The following PCTP variants were observed in gnomAD, a reference collection of about 807,000 sequenced individuals.
PCTP encodes the protein phosphatidylcholine transfer protein.
PCTP carries 27 observed loss-of-function variants against 31.0 expected under a neutral mutation model. The observed-to-expected ratio is 0.87, with a 90% CI of 0.64 to 1.20. PCTP has a LOEUF of 1.20. Ranked by LOEUF, PCTP falls within the 50% of genes most tolerant of loss-of-function variation. The probability of loss-of-function intolerance (pLI) is 0.00; values close to 1 mark genes in which losing one functional copy is unlikely to be tolerated. For synonymous variants in PCTP, 108 were observed against 101.2 expected, an observed-to-expected ratio of 1.07 and a Z score of -0.40; for missense variants, 287 against 268.2, an observed-to-expected ratio of 1.07 and a Z score of -0.49.
rs147843652 is a variant in PCTP, at chr17:55,831,704, T to C, written n.505+8777T>C. ...AAGTTTACTACCTAAACCCTGTATT[T>C]CCCAAATTCCTTTGCACTAGAGTCC... On this transcript the variant is annotated intron_variant and non_coding_transcript_variant, in intron 5 of 5. Transcript: ENST00000576221. Among the ~76,000 whole-genome samples the C allele has an allele frequency of 2.9e-3, 436 of 152,264 alleles. 2 individuals carry two copies. Among genetic ancestry groups the C allele is most frequent in the African/African-American group, 0.01 (422 of 41,560 alleles).
At chr17:55,779,801 T>C (rs1277489374), downstream of PCTP, among the ~76,000 whole-genome samples, 1 of 152,140 alleles carries the variant, frequency 6.6e-6, no homozygotes, top group Non-Finnish European at 1.5e-5. Context: ...GCATGCAGAG[T>C]AGCCCATACT....
downstream of PCTP, among the ~76,000 whole-genome samples, chr17:55,781,357 C>T (rs1911558735): frequency 6.6e-6 from 1 of 152,204 alleles, no homozygotes. Flanking sequence ...AAATTGAAGG[C>T]TTACTATAAA....
In PCTP at chr17:55,832,696, T is replaced by C. The variant is rs368181920; in HGVS notation, n.505+9769T>C. On this transcript the variant is annotated intron_variant and non_coding_transcript_variant, in intron 5 of 5. Coordinates refer to the PCTP transcript ENST00000576221. ...ATGGCTGACACATGTGTCTATCAAATTGTGTCTTGTCTGAGCCTTCTGGGC... is the reference window on the plus strand; with the variant it reads ...ATGGCTGACACATGTGTCTATCAAACTGTGTCTTGTCTGAGCCTTCTGGGC... Among the ~76,000 whole-genome samples the C allele has an allele frequency of 1.3e-4, 20 of 152,332 alleles. 1 individual carries two copies. The highest frequency in any genetic ancestry group is 9.1e-4 in the Admixed American group (14 of 15,304).
chr17:55,791,614 T>G (rs867962781), intron 3 of PCTP, among the ~76,000 whole-genome samples: 10 of 150,484 alleles, frequency 6.6e-5, no homozygotes, highest in South Asian at 2.1e-4. Flanking sequence ...AGATACCATC[T>G]CACACCAGTT....
At chr17:55,810,507 A>G (rs545214347) in intron 3 of PCTP, among the ~76,000 whole-genome samples, 1 of 152,318 alleles carries the variant, frequency 6.6e-6, no homozygotes, top group African/African-American at 2.4e-5. Context: ...CTGTGCTTCT[A>G]GGAAGCTCCT....
intron 5 of PCTP, among the ~76,000 whole-genome samples, chr17:55,835,134 G>T (rs1257732906): frequency 6.6e-6 from 1 of 152,144 alleles, no homozygotes. Flanking sequence ...CCAGAAGCTT[G>T]AAGAGGCAAG....
chr17:55,765,198 A>G (rs1910572224), intron 1 of PCTP, among the ~76,000 whole-genome samples: 1 of 152,260 alleles, frequency 6.6e-6, no homozygotes, highest in Admixed American at 6.5e-5. Flanking sequence ...CTTGGAATTG[A>G]TAAAACAATG....
In PCTP at chr17:55,757,135, A is replaced by T. The variant is rs149644474; in HGVS notation, c.141+5891A>T. 7.8e-3 allele frequency among the ~76,000 whole-genome samples: 1,184 copies of T among 151,866 alleles called. 26 individuals are homozygous for T. The highest frequency in any genetic ancestry group is 0.027 in the African/African-American group (1,118 of 41,418). On this transcript the variant is annotated intron_variant, in intron 1 of 5. Transcript: ENST00000268896. ...GCATGCATTGAGTGTGCATTTGGAT[A>T]TATATATGTACACACACAAAAGCAT...
chr17:55,821,084 A>G (rs1326633433), intron 3 of PCTP, among the ~76,000 whole-genome samples: 2 of 152,218 alleles, frequency 1.3e-5, no homozygotes, highest in East Asian at 3.8e-4. Flanking sequence ...CAACACACAA[A>G]CTTGTACGTA....
At chr17:55,840,731 T>C (rs1447210470) in intron 5 of PCTP, among the ~76,000 whole-genome samples, 1 of 152,252 alleles carries the variant, frequency 6.6e-6, no homozygotes, top group East Asian at 1.9e-4. Context: ...TTATCATAGG[T>C]ACATAGGTAT....
chr17:55,836,339 G>A (rs35001245), intron 5 of PCTP, among the ~76,000 whole-genome samples: 45,065 of 151,948 alleles, frequency 0.3, 6,644 homozygotes, highest in East Asian at 0.42. Context: ...TGTGTACACT[G>A]TAAACTAAAA....
rs188570816 is a variant in PCTP, at chr17:55,782,913, G to T, written c.229-4653G>T. On this transcript the variant is annotated intron_variant, in intron 2 of 3. Transcript: ENST00000572536. ...TGTTCATTTATTTCAGCTCCAAAAG[G>T]GTACAGAACTTTGTCTCATTCCCAA... Among the ~76,000 whole-genome samples, 16 of 152,172 alleles carry T rather than the reference G, an allele frequency of 1.1e-4. 1 individual carries two copies. The East Asian group carries it at 3.1e-3, about 29-fold the overall frequency.
At chr17:55,813,928 G>C (rs1429050525) in intron 3 of PCTP, among the ~76,000 whole-genome samples, 1 of 152,030 alleles carries the variant, frequency 6.6e-6, no homozygotes, top group Non-Finnish European at 1.5e-5. Flanking sequence ...TGTGGTTCCA[G>C]CTACTCAAGT....
At chr17:55,838,265 A>G (rs916839033) in intron 5 of PCTP, among the ~76,000 whole-genome samples, 1 of 152,224 alleles carries the variant, frequency 6.6e-6, no homozygotes, top group African/African-American at 2.4e-5. Context: ...AGCCCTATTC[A>G]GTGCCTGGTC....
intron 3 of PCTP, among the ~76,000 whole-genome samples, chr17:55,788,942 A>C (rs1433659004): frequency 6.6e-6 from 1 of 152,202 alleles, no homozygotes; most frequent in Non-Finnish European, 1.5e-5. Flanking sequence ...AAATTGTGAC[A>C]TAGTAGAAAG....
intron 5 of PCTP, chr17:55,775,228 A>C (rs1260399853): frequency 2.0e-5 from 25 of 1,260,776 alleles, no homozygotes; most frequent in Non-Finnish European, 2.3e-5. Context: ...CCTGGCTTGG[A>C]GACAACCAGA....
intron 2 of PCTP, chr17:55,770,274 G>A (rs2144955478): frequency 6.6e-6 from 1 of 152,334 alleles, no homozygotes; most frequent in South Asian, 2.1e-4. Context: ...GAAACTTGGG[G>A]TAAGCCATAG....
intron 2 of PCTP, among the ~76,000 whole-genome samples, chr17:55,787,288 A>G (rs755180283): frequency 2.4e-4 from 37 of 151,422 alleles, no homozygotes; most frequent in South Asian, 6.2e-4. Flanking sequence ...ATTCTTATGA[A>G]TGTATTTATA....
chr17:55,782,151 A>G (rs902191687), downstream of PCTP, among the ~76,000 whole-genome samples: 1 of 152,214 alleles, frequency 6.6e-6, no homozygotes, highest in African/African-American at 2.4e-5. Context: ...GGCAGGAGGC[A>G]TTGCCCCTTC....
Sources: gnomAD v4.1 joint callset for allele counts (sites outside exome capture counted in the v4.1 genomes callset) on GRCh38, gnomAD v4.1.1 for gene constraint, MANE v1.5 for transcripts, NCBI Gene and HGNC (gene_info 2026-07-23, HGNC 2026-07-21) for gene names.